Variants in CRISPLD2 observed in about 807,000 individuals in gnomAD.
CRISPLD2 encodes cysteine-rich secretory protein LCCL domain-containing 2.
CRISPLD2 carries 47 observed loss-of-function variants against 71.1 expected under a neutral mutation model. The ratio of observed to expected loss-of-function variants is 0.66; its 90% CI spans 0.52 to 0.84. The LOEUF is 0.84. Ranked by LOEUF, CRISPLD2 falls within the 40% of genes least tolerant of loss-of-function variation. The probability of loss-of-function intolerance (pLI) is 0.00; values close to 1 mark genes in which losing one functional copy is unlikely to be tolerated. For synonymous variants in CRISPLD2, 317 were observed against 250.1 expected (o/e 1.27, Z -2.52); for missense variants, 830 against 651.1 (o/e 1.27, Z -2.99).
At chr16:84,878,263 A>G (rs1175059536) in intron 12 of CRISPLD2, among the ~76,000 whole-genome samples, 1 of 140,526 alleles carries the variant, frequency 7.1e-6, no homozygotes, top group Non-Finnish European at 1.5e-5. Flanking sequence ...TGGCCAAGGT[A>G]TACAGGGTCA....
At position 84,868,883 on chromosome 16, in the gene CRISPLD2, G is replaced by A; in HGVS notation, c.886G>A (p.Asp296Asn). The change falls in exon 8 of 15, where the codon GAC becomes AAC. Residue 296 changes from aspartate to asparagine, a missense_variant. Coordinates refer to ENST00000262424, the MANE Select transcript of CRISPLD2 (RefSeq NM_031476.4). ...QVVRCDTKMK[D>N]RCKGSTCNRY... ...CGTCAGATGTGACACCAAGATGAAG[G>A]ACAGGTGCAAAGGGTCCACGTGTAA... 1 of 1,610,298 alleles carries A rather than the reference G, an allele frequency of 6.2e-7. No individual in the cohort carries two copies. Among genetic ancestry groups the A allele is most frequent in the Non-Finnish European group, 8.5e-7 (1 of 1,178,424 alleles).
chr16:84,850,068 T>C lies in CRISPLD2; in HGVS notation c.493-500T>C, dbSNP rs190329883. Among the ~76,000 whole-genome samples, 9 of 149,546 alleles carry C rather than the reference T, an allele frequency of 6.0e-5. No homozygotes were observed. The East Asian group carries it at 1.4e-3, about 23-fold the overall frequency. The stretch of plus-strand genomic sequence containing the variant: ...AATTTGACATTGTGGGGCATTTTCA[T>C]TGTGTGGGAGTCTGTTTGTTTGCTT... On this transcript the variant is annotated intron_variant, in intron 4 of 14. Coordinates refer to ENST00000262424, the MANE Select transcript of CRISPLD2 (RefSeq NM_031476.4).
chr16:84,872,047 A>C (rs1415573318), intron 8 of CRISPLD2, among the ~76,000 whole-genome samples: 1 of 152,210 alleles, frequency 6.6e-6, no homozygotes, highest in East Asian at 1.9e-4. Context: ...AAATTTTAAA[A>C]ACAATACAGT....
chr16:84,861,530 C>T (rs1917381198), intron 6 of CRISPLD2, among the ~76,000 whole-genome samples: 1 of 152,190 alleles, frequency 6.6e-6, no homozygotes, highest in Non-Finnish European at 1.5e-5. Context: ...CGCCTTCTCA[C>T]ATTTTTCTTC....
chr16:84,863,167 G>A (rs1462266448), intron 6 of CRISPLD2: 1 of 152,136 alleles, frequency 6.6e-6, no homozygotes, highest in East Asian at 1.9e-4. Flanking sequence ...CACATGGCAG[G>A]GGTGTCTTAT....
At chr16:84,855,191 G>A (rs1382765322) in intron 6 of CRISPLD2, among the ~76,000 whole-genome samples, 1 of 152,194 alleles carries the variant, frequency 6.6e-6, no homozygotes, top group Admixed American at 6.5e-5. Context: ...GCTCACACCT[G>A]TAATCCCAGC....
intron 13 of CRISPLD2, among the ~76,000 whole-genome samples, chr16:84,887,531 C>G (rs188583523): frequency 4.3e-4 from 66 of 152,348 alleles, no homozygotes; most frequent in African/African-American, 1.4e-3. Flanking sequence ...CTGGGTGAGC[C>G]TGTTGTCCAG....
intron 6 of CRISPLD2, among the ~76,000 whole-genome samples, chr16:84,862,710 G>T (rs1917419187): frequency 7.3e-6 from 1 of 137,564 alleles, no homozygotes; most frequent in African/African-American, 2.8e-5. Flanking sequence ...GGCTCCACTG[G>T]CAGCCTTGCC....
intron 4 of CRISPLD2, among the ~76,000 whole-genome samples, chr16:84,849,721 C>G (rs111732832): frequency 6.6e-6 from 1 of 151,038 alleles, no homozygotes; most frequent in Non-Finnish European, 1.5e-5. Flanking sequence ...ACTACAAACT[C>G]TTTTTTTTCT....
At chr16:84,886,604 T>C (rs571116580) in intron 13 of CRISPLD2, among the ~76,000 whole-genome samples, 1 of 152,180 alleles carries the variant, frequency 6.6e-6, no homozygotes, top group South Asian at 2.1e-4. Context: ...GGGAGGATCG[T>C]TTGAGGCCAG....
chr16:84,869,237 G>C (rs907067290), intron 8 of CRISPLD2, among the ~76,000 whole-genome samples: 1 of 152,144 alleles, frequency 6.6e-6, no homozygotes, highest in African/African-American at 2.4e-5. Flanking sequence ...GATGAACGCT[G>C]TCTGCCAAAA....
intron 6 of CRISPLD2, among the ~76,000 whole-genome samples, chr16:84,858,924 T>C (rs1917312238): frequency 6.6e-6 from 1 of 152,240 alleles, no homozygotes; most frequent in Non-Finnish European, 1.5e-5. Flanking sequence ...AAGCTTGCGA[T>C]AATCCACTGT....
chr16:84,849,441 C>G lies in CRISPLD2; in HGVS notation c.416C>G (p.Thr139Ser), dbSNP rs770225087. ...QSWYDEVKDY[T>S]YPYPSECNPW... Reference sequence around the variant, plus strand: ...TGGTATGACGAGGTGAAGGACTACACCTACCCCTACCCGAGCGAGTGCAAC... The same window carrying G: ...TGGTATGACGAGGTGAAGGACTACAGCTACCCCTACCCGAGCGAGTGCAAC... The change falls in exon 4 of 15, where the codon ACC becomes AGC. Residue 139 changes from threonine (T) to serine (S), a missense_variant. Thr to Ser is a moderately conservative substitution (Grantham distance 58). Transcript: ENST00000262424. 4 of 1,613,990 alleles carry G rather than the reference C, an allele frequency of 2.5e-6. No homozygotes were observed. The highest frequency in any genetic ancestry group is 2.5e-6 in the Non-Finnish European group (3 of 1,179,960).
rs8048430 is a variant in CRISPLD2 at position 84,853,857 on chromosome 16, G to T, written c.609-872G>T. Among the ~76,000 whole-genome samples, 1,507 of 152,356 alleles carry T rather than the reference G, an allele frequency of 9.9e-3. 15 individuals are homozygous for T. The highest frequency in any genetic ancestry group is 0.034 in the African/African-American group (1,425 of 41,576). ...TACAGAAAGGGAGACCGAGGCTGGG[G>T]CTGGAGGAGGCTGGCCGAGGGCACA... On this transcript the variant is annotated intron_variant, in intron 5 of 14. Transcript: ENST00000262424.
intron 11 of CRISPLD2, among the ~76,000 whole-genome samples, chr16:84,876,952 G>T (rs574378828): frequency 6.6e-6 from 1 of 152,306 alleles, no homozygotes; most frequent in South Asian, 2.1e-4. Flanking sequence ...CCCTCAGCAG[G>T]GATGAATGTG....
intron 6 of CRISPLD2, among the ~76,000 whole-genome samples, chr16:84,859,108 C>G (rs892276798): frequency 1.3e-5 from 2 of 152,216 alleles, no homozygotes; most frequent in Non-Finnish European, 1.5e-5. Flanking sequence ...AGGGGCAGCT[C>G]TAATGGCTTC....
At position 84,873,913 on chromosome 16, in the gene CRISPLD2, T is replaced by TA; in HGVS notation, c.1113-4dup. 6.9e-7 allele frequency: 1 copy of TA among 1,444,750 alleles called. No individual in the cohort carries two copies. 89.5% of individuals were successfully genotyped at this position (1,444,750 alleles called of 1,614,324 possible). A position where few individuals can be genotyped will look rare whatever the true frequency, so the allele number is the denominator to read the frequency against. On this transcript the variant is annotated splice_region_variant and splice_polypyrimidine_tract_variant and intron_variant, in intron 10 of 14. Coordinates refer to ENST00000262424, the MANE Select transcript of CRISPLD2 (RefSeq NM_031476.4). ...TGCCCGTTTTTTTTTTTTTTTTTTT[T>TA]AAACAGCAAATACAAACCTTCCAGC... is the stretch of plus-strand genomic sequence containing the variant.
At position 84,849,458 on chromosome 16, in the gene CRISPLD2, G is replaced by T. The variant is rs377296604; in HGVS notation, c.433G>T (p.Glu145Ter). ...GGACTACACCTACCCCTACCCGAGC[G>T]AGTGCAACCCCTGGTGTCCAGAGAG... Reference protein sequence around the residue: ...VKDYTYPYPSECNPWCPERCS... With the variant: ...VKDYTYPYPS Residue 145 changes from glutamate to a stop codon, truncating the protein, a stop_gained, in exon 4 of 15, where the codon GAG (glutamate) becomes TAG (stop). Transcript: ENST00000262424. LOFTEE classifies it high-confidence loss of function. 1.4e-5 allele frequency: 23 copies of T among 1,614,010 alleles called. No homozygotes were observed. The highest frequency in any genetic ancestry group is 1.9e-5 in the Non-Finnish European group (23 of 1,180,004).
At chr16:84,899,967 T>C (rs2071738996) in intron 14 of CRISPLD2, among the ~76,000 whole-genome samples, 1 of 152,148 alleles carries the variant, frequency 6.6e-6, no homozygotes. Context: ...TCCCAGGATA[T>C]TCACTTGGAC....
Sources: gnomAD v4.1 joint callset for allele counts (sites outside exome capture counted in the v4.1 genomes callset) on GRCh38, gnomAD v4.1.1 for gene constraint, MANE v1.5 for transcripts, NCBI Gene and HGNC (gene_info 2026-07-23, HGNC 2026-07-21) for gene names.